Variants in IL1R2 observed in about 807,000 individuals in gnomAD.
The protein encoded by IL1R2 is interleukin 1 receptor type 2, also known as interleukin-1 receptor type 2.
In IL1R2, 46 loss-of-function variants were observed where a neutral mutation model predicts 39.5. The ratio of observed to expected loss-of-function variants is 1.16; its 90% confidence interval spans 0.92 to 1.49. The LOEUF is 1.49. IL1R2 is among the 40% of genes most tolerant of loss of function. The pLI is 0.00. For missense variants in IL1R2, 537 were observed against 502.0 expected (o/e 1.07, Z -0.67); for synonymous variants, 207 against 189.6 (o/e 1.09, Z -0.75).
chr2:102,011,521 A>T (rs1268366918), intron 3 of IL1R2, among the ~76,000 whole-genome samples: 5 of 152,238 alleles, frequency 3.3e-5, no homozygotes, highest in East Asian at 1.9e-4. Context: ...CTTATTAACC[A>T]TCTGTGCATC....
rs56358561 is a variant in IL1R2 at position 102,017,398 on chromosome 2, G to GAAAAAAAAAA, written c.513+1354_513+1363dup. 6.1e-3 allele frequency among the ~76,000 whole-genome samples: 689 copies of GAAAAAAAAAA among 113,232 alleles called. 11 individuals are homozygous for GAAAAAAAAAA. The highest frequency in any genetic ancestry group is 0.024 in the African/African-American group (657 of 26,870). The allele number at this position is 113,232 out of a possible 152,430, so 74.3% of individuals were successfully genotyped here. On this transcript the variant is annotated intron_variant, in intron 4 of 8. Coordinates refer to ENST00000332549, the MANE Select transcript of IL1R2 (RefSeq NM_004633.4). Reference sequence around the variant, plus strand: ...GGAAACACAGTGAGACTCCATCTCAGAAAAAAAAAAAAAAAAGCACATGAT... The same window carrying GAAAAAAAAAA: ...GGAAACACAGTGAGACTCCATCTCAGAAAAAAAAAAAAAAAAAAAAAAAAAAGCACATGAT...
At chr2:102,013,038 T>A (rs758789246) in intron 3 of IL1R2, among the ~76,000 whole-genome samples, 1 of 152,170 alleles carries the variant, frequency 6.6e-6, no homozygotes, top group African/African-American at 2.4e-5. Context: ...GGTCAATATA[T>A]ACATAAAAAT....
intron 1 of IL1R2, among the ~76,000 whole-genome samples, chr2:102,001,303 G>T (rs559437918): frequency 6.6e-6 from 1 of 152,200 alleles, no homozygotes; most frequent in Non-Finnish European, 1.5e-5. Flanking sequence ...TAAAGAGAGC[G>T]CCTATGCCTT....
At chr2:102,018,693 C>G (rs781751400) in intron 4 of IL1R2, among the ~76,000 whole-genome samples, 8 of 152,074 alleles carry the variant, frequency 5.3e-5, no homozygotes, top group Non-Finnish European at 1.2e-4. Flanking sequence ...AGTTAAGGAC[C>G]CATAAGGATG....
rs1444025516 is a variant in IL1R2, at chr2:102,009,545, G to C, written c.68-17G>C. On this transcript the variant is annotated splice_polypyrimidine_tract_variant and intron_variant, in intron 2 of 8. Transcript: ENST00000332549. ...GTTTTGGACCCAAAGCCTGACCATGGGCTCTCTGTCCTTCAGGGGCTGCCA... is the reference window on the plus strand; with the variant it reads ...GTTTTGGACCCAAAGCCTGACCATGCGCTCTCTGTCCTTCAGGGGCTGCCA... The C allele has an allele frequency of 6.2e-7, 1 of 1,611,280 alleles. No homozygotes were observed. The highest frequency in any genetic ancestry group is 8.5e-7 in the Non-Finnish European group (1 of 1,178,420).
intron 6 of IL1R2, among the ~76,000 whole-genome samples, chr2:102,022,937 T>C (rs936022508): frequency 3.3e-5 from 5 of 152,192 alleles, no homozygotes; most frequent in Non-Finnish European, 7.3e-5. Context: ...ACATAGACCC[T>C]GTAGGTTTTA....
chr2:102,015,027 A>G (rs893671120), intron 3 of IL1R2, among the ~76,000 whole-genome samples: 26 of 151,954 alleles, frequency 1.7e-4, no homozygotes, highest in African/African-American at 6.0e-4. Flanking sequence ...ATGCAGTATT[A>G]CAAAAATCTT....
At chr2:102,000,958 T>C (rs1055195814) in intron 1 of IL1R2, among the ~76,000 whole-genome samples, 36 of 152,196 alleles carry the variant, frequency 2.4e-4, no homozygotes, top group African/African-American at 8.7e-4. Flanking sequence ...GCCCTGCAGA[T>C]GCCTAGGGCC....
chr2:101,995,562 T>C (rs1675548980), intron 1 of IL1R2, among the ~76,000 whole-genome samples: 1 of 152,124 alleles, frequency 6.6e-6, no homozygotes, highest in Non-Finnish European at 1.5e-5. Context: ...AGCTAACCAA[T>C]GCGGTTGTTT....
At chr2:102,001,739 A>G (rs904658993) in intron 1 of IL1R2, among the ~76,000 whole-genome samples, 1 of 152,206 alleles carries the variant, frequency 6.6e-6, no homozygotes, top group Non-Finnish European at 1.5e-5. Context: ...GTTAAAAAAT[A>G]CATTCTATAT....
chr2:102,004,443 A>G (rs574053443), intron 1 of IL1R2, among the ~76,000 whole-genome samples: 1 of 148,960 alleles, frequency 6.7e-6, no homozygotes, highest in Non-Finnish European at 1.5e-5. Flanking sequence ...GTTTTTCATC[A>G]TATGCCTCTG....
chr2:102,019,479 T>G (rs978633764), intron 4 of IL1R2, among the ~76,000 whole-genome samples, 159 bp from the exon 5 acceptor site: 2 of 152,200 alleles, frequency 1.3e-5, no homozygotes, highest in African/African-American at 4.8e-5. Flanking sequence ...CCCCTAATAA[T>G]ACAGTCAAAC....
intron 1 of IL1R2, among the ~76,000 whole-genome samples, chr2:101,992,588 G>T (rs1216280004): frequency 6.6e-6 from 1 of 150,806 alleles, no homozygotes; most frequent in Non-Finnish European, 1.5e-5. Context: ...GAGAGGCAGA[G>T]AAACAGACAG....
chr2:102,019,730 T>C lies in IL1R2; in HGVS notation c.606T>C (p.Ala202=). 6.2e-7 allele frequency: 1 copy of C among 1,614,180 alleles called. No homozygotes were observed. Among genetic ancestry groups the C allele is most frequent in the Non-Finnish European group, 8.5e-7 (1 of 1,179,982 alleles). ...LLVHDVALED[A]GYYRCVLTFA... Reference sequence around the variant, plus strand: ...TACACGATGTGGCCCTGGAAGATGCTGGCTATTACCGCTGTGTCCTGACAT... The same window carrying C: ...TACACGATGTGGCCCTGGAAGATGCCGGCTATTACCGCTGTGTCCTGACAT... The change falls in exon 5 of 9, where the codon GCT becomes GCC. Residue 202 remains alanine (A), a synonymous_variant. Transcript: ENST00000332549.
intron 3 of IL1R2, 129 bp from the exon 4 acceptor site, chr2:102,015,742 A>G (rs1676954794): frequency 1.4e-6 from 1 of 722,646 alleles, no homozygotes; most frequent in African/African-American, 1.8e-5. Flanking sequence ...TTATGTCGGG[A>G]AACCATCTGT....
intron 3 of IL1R2, among the ~76,000 whole-genome samples, chr2:102,013,074 C>T (rs931516362): frequency 6.6e-6 from 1 of 152,142 alleles, no homozygotes. Context: ...AAAGGCAATC[C>T]TCATGACTAC....
intron 1 of IL1R2, among the ~76,000 whole-genome samples, chr2:102,003,411 C>G (rs1420888343): frequency 8.6e-6 from 1 of 116,684 alleles, no homozygotes; most frequent in Non-Finnish European, 1.8e-5. Context: ...TGTCTTTGTC[C>G]CCTGTCTGTG....
intron 1 of IL1R2, among the ~76,000 whole-genome samples, chr2:102,004,647 G>A (rs545566831): frequency 2.0e-5 from 3 of 152,304 alleles, no homozygotes; most frequent in Non-Finnish European, 4.4e-5. Flanking sequence ...AGTAGGCCAG[G>A]AGAATAGTGT....
chr2:101,998,637 G>A (rs1675701732), intron 1 of IL1R2, among the ~76,000 whole-genome samples: 1 of 152,218 alleles, frequency 6.6e-6, no homozygotes, highest in Admixed American at 6.5e-5. Flanking sequence ...CATCTGGAGG[G>A]TCCACGATGG....
Sources: gnomAD v4.1 joint callset for allele counts (sites outside exome capture counted in the v4.1 genomes callset) on GRCh38, gnomAD v4.1.1 for gene constraint, MANE v1.5 for transcripts, NCBI Gene and HGNC (gene_info 2026-07-23, HGNC 2026-07-21) for gene names.